CGB7: variants seen among roughly 807,000 people sequenced by gnomAD.
CGB7 encodes the protein choriogonadotropin subunit beta 7.
In CGB7, 6 loss-of-function variants were observed where a neutral mutation model predicts 7.3. The observed-to-expected ratio is 0.82, with a 90% CI of 0.45 to 1.62. The LOEUF (loss-of-function observed/expected upper bound fraction) is 1.62. Ranked by LOEUF, CGB7 falls within the 40% of genes most tolerant of loss-of-function variation. CGB7 has a pLI of 0.01. For missense variants in CGB7, 114 were observed against 236.2 expected (o/e 0.48, Z 3.39); for synonymous variants, 47 against 100.8 (o/e 0.47, Z 3.20).
rs113627001 is a variant in CGB7, at chr19:49,056,200, C to A, written c.-825G>T. 1.3e-5 allele frequency: 16 copies of A among 1,272,432 alleles called. No homozygotes were observed. In the African/African-American group the frequency reaches 1.5e-4, roughly 12 times the overall value. The allele number at this position is 1,272,432 out of a possible 1,614,324, so 78.8% of individuals were successfully genotyped here. A position where few individuals can be genotyped will look rare whatever the true frequency, so the allele number is the denominator to read the frequency against. On this transcript the variant is annotated 5_prime_UTR_variant, in exon 3 of 5. Transcript: ENST00000684222. ...CCTAGGTCCGACACCGCGTAGTGAG[C>A]GGCTGCCCAGAGCTCTGCTCCGCCC...
At position 49,057,545 on chromosome 19, in the gene CGB7, C is replaced by G. The variant is rs1313614120; in HGVS notation, c.-1432G>C. 9 of 1,194,264 alleles carry G rather than the reference C, an allele frequency of 7.5e-6. No individual in the cohort carries two copies. The highest frequency in any genetic ancestry group is 8.4e-6 in the Non-Finnish European group (8 of 954,988). 74.0% of individuals were successfully genotyped at this position (1,194,264 alleles called of 1,614,324 possible). On this transcript the variant is annotated 5_prime_UTR_variant, in exon 1 of 5. Coordinates refer to ENST00000684222, the MANE Select transcript of CGB7 (RefSeq NM_001385261.1). The stretch of plus-strand genomic sequence containing the variant: ...CACAAAATCCCCCTGGTTCTGCCCC[C>G]GGTCTCAAGCCTTCTTGGTGTGGCC...
chr19:49,056,898 G>A (rs1315718874), intron 2 of CGB7, among the ~76,000 whole-genome samples: 1 of 152,168 alleles, frequency 6.6e-6, no homozygotes, highest in African/African-American at 2.4e-5. Context: ...CCCTCGAGCC[G>A]CTGTGCAGGC....
Position 49,055,426 on chromosome 19 carries a change from G to C in CGB7, c.-51C>G. On this transcript the variant is annotated 5_prime_UTR_variant, in exon 3 of 5. Coordinates refer to ENST00000684222, the MANE Select transcript of CGB7 (RefSeq NM_001385261.1). ...ACCTGGCTTTATACCTCGGGTTTGT[G>C]GGGGCGTCAAGGCCACCAGGAGGTT... The C allele has an allele frequency of 6.2e-7, 1 of 1,605,570 alleles. No individual in the cohort carries two copies. The highest frequency in any genetic ancestry group is 8.5e-7 in the Non-Finnish European group (1 of 1,175,412).
At position 49,055,965 on chromosome 19, in the gene CGB7, C is replaced by T. The variant is rs1428453893; in HGVS notation, c.-590G>A. 1.1e-5 allele frequency: 12 copies of T among 1,114,384 alleles called. No individual in the cohort carries two copies. The highest frequency in any genetic ancestry group is 8.9e-5 in the Admixed American group (2 of 22,372). 69.0% of individuals were successfully genotyped at this position (1,114,384 alleles called of 1,614,324 possible). A position where few individuals can be genotyped will look rare whatever the true frequency, so the allele number is the denominator to read the frequency against. On this transcript the variant is annotated 5_prime_UTR_variant, in exon 3 of 5. Coordinates refer to ENST00000684222, the MANE Select transcript of CGB7 (RefSeq NM_001385261.1). ...CCACCCTACCCTCAAGCCAGGATGC[C>T]CGGAGCGGTCCCCGGAAATGCGTGT...
rs2040035516 is a variant in CGB7 at position 49,054,866 on chromosome 19, ATGG to A, written c.155_157del (p.Thr52del). ...CATGGTGGGGCAGTAGCCGGCACAG[ATGG>A]TGGTGTTGACGGTGATGCACACGGG... On this transcript the variant is annotated inframe_deletion, in exon 4 of 5. Transcript: ENST00000684222. The A allele has an allele frequency of 1.3e-6, 2 of 1,589,058 alleles. No individual in the cohort carries two copies. Among genetic ancestry groups the A allele is most frequent in the Admixed American group, 1.7e-5 (1 of 59,140 alleles).
In CGB7 at chr19:49,055,960, G is replaced by T. The variant is rs2040055431; in HGVS notation, c.-585C>A. ...TCCGCCCACCCTACCCTCAAGCCAG[G>T]ATGCCCGGAGCGGTCCCCGGAAATG... On this transcript the variant is annotated 5_prime_UTR_variant, in exon 3 of 5. Coordinates refer to ENST00000684222, the MANE Select transcript of CGB7 (RefSeq NM_001385261.1). 9.0e-7 allele frequency: 1 copy of T among 1,112,936 alleles called. No homozygotes were observed. The highest frequency in any genetic ancestry group is 1.7e-5 in the African/African-American group (1 of 60,480). 68.9% of individuals were successfully genotyped at this position (1,112,936 alleles called of 1,614,324 possible). A position where few individuals can be genotyped will look rare whatever the true frequency, so the allele number is the denominator to read the frequency against.
rs1474529918 is a variant in CGB7, at chr19:49,055,018, G to A, written c.16-10C>T. On this transcript the variant is annotated splice_polypyrimidine_tract_variant and intron_variant, in intron 3 of 4. Transcript: ENST00000684222. Reference sequence around the variant, plus strand: ...GCAACAGCAGCAGCCCCTGGGACAAGGACACTGCTTCACCCGGGCCTGAGA... The same window carrying A: ...GCAACAGCAGCAGCCCCTGGGACAAAGACACTGCTTCACCCGGGCCTGAGA... 3.1e-6 allele frequency: 5 copies of A among 1,601,576 alleles called. No individual in the cohort carries two copies. Among genetic ancestry groups the A allele is most frequent in the Non-Finnish European group, 4.2e-6 (5 of 1,179,558 alleles).
chr19:49,055,838 G>T lies in CGB7; in HGVS notation c.-463C>A. 1 of 1,088,378 alleles carries T rather than the reference G, an allele frequency of 9.2e-7. No homozygotes were observed. Among genetic ancestry groups the T allele is most frequent in the Non-Finnish European group, 1.1e-6 (1 of 889,270 alleles). 67.4% of individuals were successfully genotyped at this position (1,088,378 alleles called of 1,614,324 possible). A position where few individuals can be genotyped will look rare whatever the true frequency, so the allele number is the denominator to read the frequency against. ...CGGACTTAGCTTCTGCCCAGTGAGA[G>T]AGGGTCTCCCCGTGACTGTGCTGCC... On this transcript the variant is annotated 5_prime_UTR_variant, in exon 3 of 5. Coordinates refer to ENST00000684222, the MANE Select transcript of CGB7 (RefSeq NM_001385261.1).
chr19:49,056,312 G>C lies in CGB7; in HGVS notation c.-937C>G, dbSNP rs1395508845. On this transcript the variant is annotated 5_prime_UTR_variant, in exon 3 of 5. Coordinates refer to ENST00000684222, the MANE Select transcript of CGB7 (RefSeq NM_001385261.1). ...ACAGCGGCCTGAGCGGGAGTTCTCG[G>C]TGCTGTAGGCTTTCGGGACGCTGTG... The C allele has an allele frequency of 1.5e-6, 2 of 1,293,534 alleles. No individual in the cohort carries two copies. The highest frequency in any genetic ancestry group is 1.0e-6 in the Non-Finnish European group (1 of 991,172). The allele number at this position is 1,293,534 out of a possible 1,614,324, so 80.1% of individuals were successfully genotyped here.
At position 49,055,762 on chromosome 19, in the gene CGB7, A is replaced by T. The variant is rs569168262; in HGVS notation, c.-387T>A. The T allele has an allele frequency of 1.1e-4, 132 of 1,161,252 alleles. 3 individuals carry two copies. In the South Asian group the frequency reaches 2.8e-3, roughly 25 times the overall value. The allele number at this position is 1,161,252 out of a possible 1,614,324, so 71.9% of individuals were successfully genotyped here. ...TGGACTGAAGCCTCAACCCTCCTCT[A>T]CTTGAGCCATTCCTGCACCACAGTC... On this transcript the variant is annotated 5_prime_UTR_variant, in exon 3 of 5. Transcript: ENST00000684222.
rs1297020261 is a variant in CGB7, at chr19:49,056,451, A to T, written c.-1076T>A. Reference sequence around the variant, plus strand: ...GAGCTGTAGGTTTCCTGAGCCGGAGACATGGCCCGCCGTGCGGCGCTCGAG... The same window carrying T: ...GAGCTGTAGGTTTCCTGAGCCGGAGTCATGGCCCGCCGTGCGGCGCTCGAG... On this transcript the variant is annotated 5_prime_UTR_variant, in exon 3 of 5. Coordinates refer to ENST00000684222, the MANE Select transcript of CGB7 (RefSeq NM_001385261.1). 6 of 1,299,172 alleles carry T rather than the reference A, an allele frequency of 4.6e-6. No homozygotes were observed. Among genetic ancestry groups the T allele is most frequent in the Non-Finnish European group, 6.0e-6 (6 of 995,076 alleles). 80.5% of individuals were successfully genotyped at this position (1,299,172 alleles called of 1,614,324 possible).
chr19:49,055,306 T>G, intron 3 of CGB7, 55 bp downstream of exon 3: 1 of 1,608,694 alleles, frequency 6.2e-7, no homozygotes. Context: ...CCCCTTCTCA[T>G]GCCAGTGATG....
At chr19:49,055,121 C>G in intron 3 of CGB7, 113 bp from the exon 4 acceptor site, 1 of 1,581,316 alleles carries the variant, frequency 6.3e-7, no homozygotes, top group Non-Finnish European at 8.6e-7. Flanking sequence ...CCCGGCATCT[C>G]CTATTCAGGA....
rs2040080008 is a variant in CGB7 at position 49,057,416 on chromosome 19, G to A, written c.-1349+46C>T. The A allele has an allele frequency of 1.2e-4, 165 of 1,385,020 alleles. 2 individuals are homozygous for A. The South Asian group carries it at 2.3e-3, about 19-fold the overall frequency. 85.8% of individuals were successfully genotyped at this position (1,385,020 alleles called of 1,614,324 possible). A position where few individuals can be genotyped will look rare whatever the true frequency, so the allele number is the denominator to read the frequency against. ...GAGCCCTTCCTGCCACCCACGCCAG[G>A]GAACTTCAGCTTCCTTTCTCATACC... On this transcript the variant is annotated intron_variant, in intron 1 of 4. Transcript: ENST00000684222.
rs2040050667 is a variant in CGB7 at position 49,055,645 on chromosome 19, T to G, written c.-270A>C. ...TCGAGTGCTAGGGACTAGTCGAGGC[T>G]GGAGGCACAGAGAGTAGGGTGTAGG... On this transcript the variant is annotated 5_prime_UTR_variant, in exon 3 of 5. Coordinates refer to ENST00000684222, the MANE Select transcript of CGB7 (RefSeq NM_001385261.1). 5.0e-6 allele frequency: 7 copies of G among 1,402,218 alleles called. No individual in the cohort carries two copies. The highest frequency in any genetic ancestry group is 5.6e-6 in the Non-Finnish European group (6 of 1,077,408). 86.9% of individuals were successfully genotyped at this position (1,402,218 alleles called of 1,614,324 possible). A position where few individuals can be genotyped will look rare whatever the true frequency, so the allele number is the denominator to read the frequency against.
rs1221574152 is a variant in CGB7 at position 49,056,233 on chromosome 19, A to T, written c.-858T>A. 3 of 1,287,934 alleles carry T rather than the reference A, an allele frequency of 2.3e-6. No homozygotes were observed. The highest frequency in any genetic ancestry group is 1.2e-5 in the South Asian group (1 of 81,000). The allele number at this position is 1,287,934 out of a possible 1,614,324, so 79.8% of individuals were successfully genotyped here. A position where few individuals can be genotyped will look rare whatever the true frequency, so the allele number is the denominator to read the frequency against. ...CAGAGCTCTGCTCCGCCCCCACGCC[A>T]GGGGGCGTGTCTGGGGTGGGGCTGG... On this transcript the variant is annotated 5_prime_UTR_variant, in exon 3 of 5. Coordinates refer to ENST00000684222, the MANE Select transcript of CGB7 (RefSeq NM_001385261.1).
Position 49,056,313 on chromosome 19 carries a change from T to G in CGB7, c.-938A>C. 1 of 1,293,610 alleles carries G rather than the reference T, an allele frequency of 7.7e-7. No homozygotes were observed. Among genetic ancestry groups the G allele is most frequent in the Non-Finnish European group, 1.0e-6 (1 of 991,156 alleles). The allele number at this position is 1,293,610 out of a possible 1,614,324, so 80.1% of individuals were successfully genotyped here. A position where few individuals can be genotyped will look rare whatever the true frequency, so the allele number is the denominator to read the frequency against. The stretch of plus-strand genomic sequence containing the variant: ...CAGCGGCCTGAGCGGGAGTTCTCGG[T>G]GCTGTAGGCTTTCGGGACGCTGTGT... On this transcript the variant is annotated 5_prime_UTR_variant, in exon 3 of 5. Transcript: ENST00000684222.
rs777859853 is a variant in CGB7 at position 49,056,277 on chromosome 19, G to T, written c.-902C>A. 14 of 1,291,220 alleles carry T rather than the reference G, an allele frequency of 1.1e-5. No homozygotes were observed. Among genetic ancestry groups the T allele is most frequent in the East Asian group, 1.1e-4 (2 of 18,146 alleles). 80.0% of individuals were successfully genotyped at this position (1,291,220 alleles called of 1,614,324 possible). On this transcript the variant is annotated 5_prime_UTR_variant, in exon 3 of 5. Transcript: ENST00000684222. ...GGGCTGGCCCGGCAGGCTCCCACTA[G>T]CCCCGGCTTACAGCGGCCTGAGCGG...
chr19:49,056,317 G>C lies in CGB7; in HGVS notation c.-942C>G. On this transcript the variant is annotated 5_prime_UTR_variant, in exon 3 of 5. The change creates a premature stop within an existing upstream ORF in the 5' untranslated region. Transcript: ENST00000684222. ...GGCCTGAGCGGGAGTTCTCGGTGCTGTAGGCTTTCGGGACGCTGTGTATGC... is the reference window on the plus strand; with the variant it reads ...GGCCTGAGCGGGAGTTCTCGGTGCTCTAGGCTTTCGGGACGCTGTGTATGC... 7.7e-7 allele frequency: 1 copy of C among 1,293,986 alleles called. No homozygotes were observed. Among genetic ancestry groups the C allele is most frequent in the South Asian group, 1.2e-5 (1 of 81,916 alleles). 80.2% of individuals were successfully genotyped at this position (1,293,986 alleles called of 1,614,324 possible). A position where few individuals can be genotyped will look rare whatever the true frequency, so the allele number is the denominator to read the frequency against.
Sources: gnomAD v4.1 joint callset for allele counts (sites outside exome capture counted in the v4.1 genomes callset) on GRCh38, gnomAD v4.1.1 for gene constraint, MANE v1.5 for transcripts, NCBI Gene and HGNC (gene_info 2026-07-23, HGNC 2026-07-21) for gene names.